The following ERC1 variants were observed in gnomAD, a reference collection of about 807,000 sequenced individuals.
The protein encoded by ERC1 is ELKS/RAB6-interacting/CAST family member 1, also known as RAB6 interacting protein 2.
In ERC1, 56 loss-of-function variants were observed where a neutral mutation model predicts 132.0. The ratio of observed to expected loss-of-function variants is 0.42; its 90% confidence interval spans 0.34 to 0.53. The LOEUF (loss-of-function observed/expected upper bound fraction) is 0.53, where lower values mean the gene tolerates loss of function less well. Ranked by LOEUF, ERC1 falls within the 20% of genes least tolerant of loss-of-function variation. The pLI is 0.03. For missense variants in ERC1, 1,202 were observed against 1,349.9 expected (o/e 0.89, Z 1.72); for synonymous variants, 478 against 476.1 (o/e 1.00, Z -0.05).
chr12:1,214,873 G>C (rs1336189988), intron 12 of ERC1, among the ~76,000 whole-genome samples: 1 of 152,144 alleles, frequency 6.6e-6, no homozygotes, highest in Non-Finnish European at 1.5e-5. Flanking sequence ...GAAGCTTAGA[G>C]AGGCTAAAGA....
chr12:1,230,109 C>T lies in ERC1; in HGVS notation c.2352-6660C>T, dbSNP rs532778563. Among the ~76,000 whole-genome samples, 950 of 150,076 alleles carry T rather than the reference C, an allele frequency of 6.3e-3. 15 individuals are homozygous for T. The highest frequency in any genetic ancestry group is 0.022 in the African/African-American group (893 of 40,690). On this transcript the variant is annotated intron_variant, in intron 12 of 18. Transcript: ENST00000360905. ...GCAACCACCGCCTCCCGGGTTCAAG[C>T]GATTCTCCTGCCTCAGCCTCCTGAG...
intron 15 of ERC1, among the ~76,000 whole-genome samples, chr12:1,332,202 T>C (rs577906947): frequency 6.6e-6 from 1 of 152,328 alleles, no homozygotes; most frequent in East Asian, 1.9e-4. Flanking sequence ...CTTACAGTAC[T>C]TTTGAATTTT....
intron 15 of ERC1, among the ~76,000 whole-genome samples, chr12:1,355,194 T>C (rs543195538): frequency 6.6e-6 from 1 of 152,310 alleles, no homozygotes; most frequent in South Asian, 2.1e-4. Flanking sequence ...TATAAGCAAA[T>C]GAGCAAGGTT....
intron 2 of ERC1, among the ~76,000 whole-genome samples, chr12:1,057,690 G>T (rs1009965573): frequency 6.8e-6 from 1 of 146,978 alleles, no homozygotes; most frequent in African/African-American, 2.5e-5. Context: ...CTGCTTCCCG[G>T]GTTCAAGCGA....
upstream of ERC1, chr12:990,621 G>C (rs1672009785): frequency 6.6e-6 from 1 of 152,246 alleles, no homozygotes; most frequent in African/African-American, 2.4e-5. Context: ...GCAGCCCCGC[G>C]AGTCTCAGGT....
At chr12:1,393,156 C>G (rs542139335) in intron 16 of ERC1, among the ~76,000 whole-genome samples, 36 of 152,270 alleles carry the variant, frequency 2.4e-4, no homozygotes, top group African/African-American at 8.7e-4. Context: ...TGTTTTGACT[C>G]AGTTATATTC....
intron 18 of ERC1, among the ~76,000 whole-genome samples, chr12:1,476,933 GA>G (rs1485413453): frequency 2.6e-5 from 4 of 152,150 alleles, no homozygotes; most frequent in Non-Finnish European, 5.9e-5. Context: ...AATTATTTTA[GA>G]AGAATATTTT....
chr12:1,054,136 A>G (rs1972516133), intron 2 of ERC1, among the ~76,000 whole-genome samples: 1 of 152,248 alleles, frequency 6.6e-6, no homozygotes. Flanking sequence ...TTCCAAAACT[A>G]ACAAAGAGAA....
At chr12:1,101,431 T>C (rs370103503) in intron 3 of ERC1, among the ~76,000 whole-genome samples, 5 of 152,268 alleles carry the variant, frequency 3.3e-5, no homozygotes, top group African/African-American at 4.8e-5. Context: ...GAGCCTCTGC[T>C]GTTGGTGTGT....
intron 8 of ERC1, among the ~76,000 whole-genome samples, chr12:1,163,382 A>T (rs1952057687): frequency 6.6e-6 from 1 of 152,222 alleles, no homozygotes; most frequent in Admixed American, 6.5e-5. Flanking sequence ...ATACCCCCTC[A>T]TCCCTACATT....
chr12:1,222,920 A>G (rs909863547), intron 12 of ERC1, among the ~76,000 whole-genome samples: 1 of 152,244 alleles, frequency 6.6e-6, no homozygotes, highest in African/African-American at 2.4e-5. Context: ...TTAAGATACA[A>G]GGAAGATATT....
intron 15 of ERC1, among the ~76,000 whole-genome samples, chr12:1,358,006 C>T (rs2085705119): frequency 6.6e-6 from 1 of 152,136 alleles, no homozygotes; most frequent in East Asian, 1.9e-4. Context: ...ATCCTAAATT[C>T]ACCTATCTGT....
chr12:1,335,356 G>A (rs867414381), intron 15 of ERC1, among the ~76,000 whole-genome samples: 27 of 152,250 alleles, frequency 1.8e-4, no homozygotes, highest in African/African-American at 6.3e-4. Context: ...TATGATATTG[G>A]CTGTGGATTT....
At chr12:1,161,383 G>A (rs142399406) in intron 8 of ERC1, among the ~76,000 whole-genome samples, 19 of 152,258 alleles carry the variant, frequency 1.2e-4, no homozygotes, top group East Asian at 3.9e-4. Context: ...CCTTTCCACC[G>A]TGTCATGCCC....
chr12:1,236,039 A>AT, intron 12 of ERC1, among the ~76,000 whole-genome samples: 1 of 152,216 alleles, frequency 6.6e-6, no homozygotes, highest in East Asian at 1.9e-4. Context: ...AGGGAATAAT[A>AT]TTGAATATCA....
intron 15 of ERC1, among the ~76,000 whole-genome samples, chr12:1,321,746 A>G (rs76411343): frequency 3.6e-4 from 55 of 152,290 alleles, no homozygotes; most frequent in African/African-American, 1.3e-3. Flanking sequence ...CATTTCCTAC[A>G]TCTCTTCTAT....
Position 1,189,980 on chromosome 12 carries a change from G to C in ERC1, c.2279G>C (p.Arg760Pro). 6.2e-7 allele frequency: 1 copy of C among 1,614,072 alleles called. No individual in the cohort carries two copies. Among genetic ancestry groups the C allele is most frequent in the Non-Finnish European group, 8.5e-7 (1 of 1,179,954 alleles). ...ESSKAQAEVD[R>P]LLEILKEVEN... ...AGCAAGGCCCAGGCAGAAGTTGATC[G>C]ACTCTTAGAAATCTTGAAGGAGGTG... Residue 760 changes from arginine (R) to proline (P), a missense_variant, in exon 12 of 19, where the codon CGA (arginine) becomes CCA (proline). Physicochemically the swap from Arg to Pro is moderately radical, Grantham distance 103. Transcript: ENST00000360905.
chr12:1,359,850 CAA>C (rs2085913235), intron 15 of ERC1, among the ~76,000 whole-genome samples: 1 of 152,048 alleles, frequency 6.6e-6, no homozygotes, highest in South Asian at 2.1e-4. Context: ...TTGTGTATCA[CAA>C]AAGAGTTACG....
intron 2 of ERC1, among the ~76,000 whole-genome samples, chr12:1,074,861 A>G (rs1038915439): frequency 6.6e-6 from 1 of 152,152 alleles, no homozygotes; most frequent in Admixed American, 6.5e-5. Flanking sequence ...GAGGAAAATA[A>G]CTTTGGTTAG....
Sources: allele counts gnomAD v4.1 joint callset (sites outside exome capture counted in the v4.1 genomes callset), GRCh38; gene constraint gnomAD v4.1.1; transcripts MANE v1.5; gene names NCBI Gene and HGNC (gene_info 2026-07-23, HGNC 2026-07-21).